The following SCHIP1 variants were observed in gnomAD, a reference collection of about 807,000 sequenced individuals.
SCHIP1 encodes schwannomin interacting protein 1, also known as schwannomin-interacting protein 1.
In SCHIP1, 8 loss-of-function variants were observed where a neutral mutation model predicts 29.7. That is an observed-to-expected ratio of 0.27 (90% CI 0.16 to 0.49). The LOEUF is 0.49. SCHIP1 is among the 20% of genes least tolerant of loss of function. The pLI, the probability that SCHIP1 is intolerant of heterozygous loss-of-function variation, is 0.99. For synonymous variants in SCHIP1, 76 were observed against 94.9 expected, an observed-to-expected ratio of 0.80 and a Z score of 1.16; for missense variants, 193 against 294.6, an observed-to-expected ratio of 0.66 and a Z score of 2.52.
the SCHIP1 span, among the ~76,000 whole-genome samples, chr3:159,646,908 G>A: frequency 6.6e-6 from 1 of 151,878 alleles, no homozygotes; most frequent in Non-Finnish European, 1.5e-5. Flanking sequence ...AGGACCCAGG[G>A]GTACCTAGGC....
At chr3:159,375,453 T>C in the SCHIP1 span, among the ~76,000 whole-genome samples, 3 of 152,148 alleles carry the variant, frequency 2.0e-5, no homozygotes, top group South Asian at 6.2e-4. Flanking sequence ...AATAGTTTGA[T>C]ATAATGGCTG....
At chr3:159,507,680 T>C in the SCHIP1 span, among the ~76,000 whole-genome samples, 952 of 152,220 alleles carry the variant, frequency 6.3e-3, 9 homozygotes, top group African/African-American at 0.022. Flanking sequence ...GCATGAAGGG[T>C]TGTTGAATTT....
At chr3:159,424,406 G>A in the SCHIP1 span, among the ~76,000 whole-genome samples, 1 of 152,186 alleles carries the variant, frequency 6.6e-6, no homozygotes, top group African/African-American at 2.4e-5. Flanking sequence ...GAAGCCTCAG[G>A]AGCTGATGTG....
At chr3:159,397,632 T>C in the SCHIP1 span, among the ~76,000 whole-genome samples, 4 of 152,136 alleles carry the variant, frequency 2.6e-5, no homozygotes, top group Non-Finnish European at 2.9e-5. Flanking sequence ...TTAGGCTGCT[T>C]GGGGGTCAGG....
chr3:159,649,029 G>A, the SCHIP1 span, among the ~76,000 whole-genome samples: 1 of 152,258 alleles, frequency 6.6e-6, no homozygotes, highest in East Asian at 1.9e-4. Flanking sequence ...AATGGGACTT[G>A]GCTATTCTGG....
At chr3:159,277,664 G>C in the SCHIP1 span, among the ~76,000 whole-genome samples, 5 of 145,192 alleles carry the variant, frequency 3.4e-5, no homozygotes, top group Non-Finnish European at 7.9e-5. Context: ...GCTCACGACT[G>C]TAACCCCAGC....
chr3:159,443,810 A>G, the SCHIP1 span, among the ~76,000 whole-genome samples: 1 of 152,168 alleles, frequency 6.6e-6, no homozygotes, highest in Non-Finnish European at 1.5e-5. Context: ...CCCAGCCTAC[A>G]GTGAACTTAT....
At chr3:159,445,033 A>C in the SCHIP1 span, among the ~76,000 whole-genome samples, 2 of 152,042 alleles carry the variant, frequency 1.3e-5, no homozygotes, top group African/African-American at 2.4e-5. Flanking sequence ...AATGGGATCT[A>C]ATTAAACTAA....
At chr3:159,482,792 CCA>C in the SCHIP1 span, among the ~76,000 whole-genome samples, 1 of 152,110 alleles carries the variant, frequency 6.6e-6, no homozygotes, top group Non-Finnish European at 1.5e-5. Flanking sequence ...TCTCCAACTA[CCA>C]CCTCGGGATA....
chr3:159,741,217 A>G, the SCHIP1 span, among the ~76,000 whole-genome samples: 1 of 152,232 alleles, frequency 6.6e-6, no homozygotes, highest in Non-Finnish European at 1.5e-5. Flanking sequence ...GAATGAGCCC[A>G]AGCTAATTCA....
chr3:159,530,352 C>G, the SCHIP1 span, among the ~76,000 whole-genome samples: 3 of 152,158 alleles, frequency 2.0e-5, no homozygotes, highest in Non-Finnish European at 4.4e-5. Context: ...TCCTCAAGTT[C>G]AGTCCTGAGG....
At chr3:159,829,954 T>C in the SCHIP1 span, among the ~76,000 whole-genome samples, 1 of 152,360 alleles carries the variant, frequency 6.6e-6, no homozygotes, top group Admixed American at 6.5e-5. Context: ...ATCAGAAATA[T>C]GAGTAATTGC....
chr3:159,888,958 T>G lies in SCHIP1; in HGVS notation c.589+15T>G. The G allele has an allele frequency of 1.2e-6, 2 of 1,612,318 alleles. No homozygotes were observed. Among genetic ancestry groups the G allele is most frequent in the Non-Finnish European group, 1.7e-6 (2 of 1,179,370 alleles). On this transcript the variant is annotated intron_variant, in intron 5 of 6. Coordinates refer to ENST00000445224, the Ensembl canonical transcript of SCHIP1. ...CCAGATAGAAAGTAAGTGTAAGATA[T>G]GCTTGAAAATAGGATATTCAATGTA...
At chr3:159,892,446 G>C (rs758157456) in intron 6 of SCHIP1, 1 of 584,876 alleles carries the variant, frequency 1.7e-6, no homozygotes, top group Non-Finnish European at 3.0e-6. Context: ...GCCTAAATCA[G>C]GTCTAGTTCT....
the SCHIP1 span, among the ~76,000 whole-genome samples, chr3:159,608,430 G>A: frequency 6.6e-6 from 1 of 152,066 alleles, no homozygotes; most frequent in Non-Finnish European, 1.5e-5. Flanking sequence ...TACAATTTTT[G>A]GACTAGGACA....
chr3:159,428,994 A>C, the SCHIP1 span, among the ~76,000 whole-genome samples: 1 of 148,622 alleles, frequency 6.7e-6, no homozygotes, highest in Admixed American at 6.7e-5. Context: ...GGAATTGAAC[A>C]ATGAGAACAC....
At chr3:159,706,590 G>T in the SCHIP1 span, among the ~76,000 whole-genome samples, 1 of 152,186 alleles carries the variant, frequency 6.6e-6, no homozygotes, top group South Asian at 2.1e-4. Flanking sequence ...ACATTCAGGA[G>T]AATACAGACA....
At chr3:159,639,813 T>C in the SCHIP1 span, among the ~76,000 whole-genome samples, 10,997 of 152,278 alleles carry the variant, frequency 0.072, 576 homozygotes, top group South Asian at 0.19. Flanking sequence ...TCATTAATTA[T>C]GTGACGCTGG....
chr3:159,510,258 A>C, the SCHIP1 span, among the ~76,000 whole-genome samples: 1 of 152,082 alleles, frequency 6.6e-6, no homozygotes, highest in Non-Finnish European at 1.5e-5. Flanking sequence ...AGTTGATTGA[A>C]TCGGCTACTG....
Sources: allele counts gnomAD v4.1 joint callset (sites outside exome capture counted in the v4.1 genomes callset), GRCh38; gene constraint gnomAD v4.1.1; transcripts MANE v1.5; gene names NCBI Gene and HGNC (gene_info 2026-07-23, HGNC 2026-07-21).